SCFD2: variants seen among roughly 807,000 people sequenced by gnomAD.
The protein encoded by SCFD2 is sec1 family domain containing 2, also known as sec1 family domain-containing protein 2.
In SCFD2, 54 loss-of-function variants were observed where a neutral mutation model predicts 58.9. The observed-to-expected ratio is 0.92, with a 90% CI of 0.74 to 1.15. The LOEUF (loss-of-function observed/expected upper bound fraction) is 1.15, where lower values mean the gene tolerates loss of function less well. Ranked by LOEUF, SCFD2 falls within the 50% of genes most tolerant of loss-of-function variation. SCFD2 has a pLI of 0.00. For missense variants in SCFD2, 805 were observed against 836.6 expected, an observed-to-expected ratio of 0.96 and a Z score of 0.47; for synonymous variants, 321 against 335.9, an observed-to-expected ratio of 0.96 and a Z score of 0.49.
At chr4:53,005,776 G>A (rs1237310498) in intron 5 of SCFD2, among the ~76,000 whole-genome samples, 1 of 152,176 alleles carries the variant, frequency 6.6e-6, no homozygotes, top group African/African-American at 2.4e-5. Flanking sequence ...ATGCTTCATA[G>A]TTGTGCTTTA....
chr4:53,333,615 A>C (rs1312104551), intron 2 of SCFD2, among the ~76,000 whole-genome samples: 1 of 150,026 alleles, frequency 6.7e-6, no homozygotes. Flanking sequence ...TGGATTAAAG[A>C]CTTAAACGTT....
At position 53,156,753 on chromosome 4, in the gene SCFD2, T is replaced by C. The variant is rs191918637; in HGVS notation, c.1312-11171A>G. ...TCAAACTTATTAATCTTATTGACTT[T>C]CAATCCTAAATGTCTCTTTAATATT... On this transcript the variant is annotated intron_variant, in intron 4 of 8. Coordinates refer to ENST00000401642, the MANE Select transcript of SCFD2 (RefSeq NM_152540.4). 1.9e-3 allele frequency among the ~76,000 whole-genome samples: 297 copies of C among 152,350 alleles called. 3 individuals are homozygous for C. Among genetic ancestry groups the C allele is most frequent in the Middle Eastern group, 6.8e-3 (2 of 294 alleles).
At chr4:53,235,350 T>C (rs768221350) in intron 4 of SCFD2, among the ~76,000 whole-genome samples, 9 of 152,250 alleles carry the variant, frequency 5.9e-5, no homozygotes, top group Non-Finnish European at 4.4e-5. Flanking sequence ...TATCAATTTA[T>C]GGCAGGTACC....
At chr4:53,340,502 C>T (rs1208146186) in intron 2 of SCFD2, among the ~76,000 whole-genome samples, 2 of 152,204 alleles carry the variant, frequency 1.3e-5, no homozygotes, top group Non-Finnish European at 2.9e-5. Flanking sequence ...ATCAAGGAGG[C>T]CTTCCTGCCT....
intron 3 of SCFD2, among the ~76,000 whole-genome samples, chr4:53,278,178 C>T (rs1731391333): frequency 6.6e-6 from 1 of 151,808 alleles, no homozygotes; most frequent in South Asian, 2.1e-4. Flanking sequence ...ACCAGCCTGA[C>T]CAACAAGGTG....
At chr4:53,103,434 G>C (rs770309970) in intron 5 of SCFD2, among the ~76,000 whole-genome samples, 1 of 151,772 alleles carries the variant, frequency 6.6e-6, no homozygotes, top group Non-Finnish European at 1.5e-5. Context: ...TGCTCCACCT[G>C]GTAATGGATT....
intron 5 of SCFD2, among the ~76,000 whole-genome samples, chr4:53,144,009 C>G (rs1043892793): frequency 2.0e-5 from 3 of 151,970 alleles, no homozygotes; most frequent in African/African-American, 7.3e-5. Context: ...AGTTATATTG[C>G]AGTTATTATT....
At chr4:53,223,255 G>A (rs1488456202) in intron 4 of SCFD2, among the ~76,000 whole-genome samples, 6 of 151,970 alleles carry the variant, frequency 3.9e-5, no homozygotes, top group East Asian at 1.9e-4. Flanking sequence ...TGTCCTTTTC[G>A]CATATAATTC....
At chr4:53,132,978 G>T (rs1336946714) in intron 5 of SCFD2, among the ~76,000 whole-genome samples, 1 of 152,122 alleles carries the variant, frequency 6.6e-6, no homozygotes, top group African/African-American at 2.4e-5. Context: ...GAATGCAGAG[G>T]TGATAATAAG....
intron 4 of SCFD2, among the ~76,000 whole-genome samples, chr4:53,237,748 G>T (rs1415343867): frequency 9.6e-6 from 1 of 104,298 alleles, no homozygotes; most frequent in Admixed American, 8.9e-5. Context: ...CCTCCCGGAC[G>T]GGGCGGCTGG....
rs1480342717 is a variant in SCFD2 at position 52,895,174 on chromosome 4, AC to A, written c.1843-9309del. Reference sequence around the variant, plus strand: ...TTTCTGCTCCTCATGCTCTTGATCCACCTTTTTTTTTTATACTTTAAGTTTT... The same window carrying A: ...TTTCTGCTCCTCATGCTCTTGATCCACTTTTTTTTTTATACTTTAAGTTTT... On this transcript the variant is annotated intron_variant, in intron 7 of 8. Transcript: ENST00000401642. Among the ~76,000 whole-genome samples, 17 of 149,354 alleles carry A rather than the reference AC, an allele frequency of 1.1e-4. 1 individual carries two copies. The highest frequency in any genetic ancestry group is 7.8e-4 in the East Asian group (4 of 5,112).
chr4:53,148,987 C>A (rs1726424769), intron 4 of SCFD2, among the ~76,000 whole-genome samples: 2 of 152,266 alleles, frequency 1.3e-5, no homozygotes, highest in South Asian at 4.2e-4. Context: ...CAGAGCAAGA[C>A]CCTGTCTCTA....
intron 5 of SCFD2, among the ~76,000 whole-genome samples, chr4:53,045,086 C>T (rs1040496318): frequency 6.6e-6 from 1 of 152,038 alleles, no homozygotes; most frequent in African/African-American, 2.4e-5. Flanking sequence ...AGCAATATTG[C>T]CCTGATGACA....
intron 4 of SCFD2, among the ~76,000 whole-genome samples, chr4:53,239,694 G>C (rs888274165): frequency 1.3e-5 from 2 of 152,088 alleles, no homozygotes; most frequent in Non-Finnish European, 2.9e-5. Flanking sequence ...ATGTTCGTCA[G>C]GCTGGTCCTG....
intron 3 of SCFD2, among the ~76,000 whole-genome samples, chr4:53,300,224 C>A (rs1382370724): frequency 6.6e-6 from 1 of 152,210 alleles, no homozygotes; most frequent in South Asian, 2.1e-4. Flanking sequence ...CAGAGACACA[C>A]ACAGGCTCAA....
At chr4:53,255,137 C>CT (rs1730560202) in intron 4 of SCFD2, among the ~76,000 whole-genome samples, 1 of 151,288 alleles carries the variant, frequency 6.6e-6, no homozygotes, top group African/African-American at 2.4e-5. Flanking sequence ...TCCCAAAGTG[C>CT]TGGGATTACA....
chr4:53,258,109 T>C (rs899467943), intron 4 of SCFD2, among the ~76,000 whole-genome samples: 3 of 152,208 alleles, frequency 2.0e-5, no homozygotes, highest in Non-Finnish European at 4.4e-5. Context: ...TCTCGCTCCA[T>C]ATCCAGCCCA....
intron 6 of SCFD2, among the ~76,000 whole-genome samples, chr4:52,919,307 C>T (rs1471182934): frequency 3.3e-5 from 5 of 152,160 alleles, no homozygotes; most frequent in Non-Finnish European, 7.3e-5. Flanking sequence ...TCAATGTCAT[C>T]ATATATCACT....
intron 3 of SCFD2, among the ~76,000 whole-genome samples, chr4:53,308,363 A>G (rs1296537772): frequency 6.6e-6 from 1 of 152,174 alleles, no homozygotes; most frequent in East Asian, 1.9e-4. Flanking sequence ...AGATGTTCTC[A>G]TCCTTTATAA....
Sources: allele counts gnomAD v4.1 joint callset (sites outside exome capture counted in the v4.1 genomes callset), GRCh38; gene constraint gnomAD v4.1.1; transcripts MANE v1.5; gene names NCBI Gene and HGNC (gene_info 2026-07-23, HGNC 2026-07-21).